The following RNF150 variants were observed in gnomAD, a reference collection of about 807,000 sequenced individuals.
RNF150 encodes the protein ring finger protein 150.
Under a neutral mutation model 39.3 loss-of-function variants are expected in RNF150, and 24 were observed. The observed-to-expected ratio is 0.61, with a 90% CI of 0.44 to 0.86. The LOEUF is 0.86. Among genes scored for constraint, RNF150 ranks in the 40% least tolerant of loss-of-function variants. The probability of loss-of-function intolerance (pLI) is 0.00; values close to 1 mark genes in which losing one functional copy is unlikely to be tolerated. For synonymous variants in RNF150, 255 were observed against 227.3 expected, an observed-to-expected ratio of 1.12 and a Z score of -1.10; for missense variants, 502 against 587.8, an observed-to-expected ratio of 0.85 and a Z score of 1.51.
At chr4:141,040,191 T>C (rs1178234251) in intron 1 of RNF150, among the ~76,000 whole-genome samples, 2 of 147,628 alleles carry the variant, frequency 1.4e-5, no homozygotes, top group African/African-American at 4.9e-5. Flanking sequence ...ACACATGTTG[T>C]AGAGCAAAAT....
At chr4:140,911,059 T>G in intron 6 of RNF150, 85 bp downstream of exon 6, 1 of 1,060,230 alleles carries the variant, frequency 9.4e-7, no homozygotes, top group Non-Finnish European at 1.4e-6. Flanking sequence ...AATATTTTTT[T>G]CTTTTTGAGG....
intron 1 of RNF150, among the ~76,000 whole-genome samples, chr4:141,119,734 G>T (rs1041579553): frequency 2.0e-5 from 3 of 152,152 alleles, no homozygotes; most frequent in Non-Finnish European, 4.4e-5. Flanking sequence ...GAAGCCCAAG[G>T]ATTTAGGGCA....
chr4:141,012,239 A>G (rs941216865), intron 1 of RNF150, among the ~76,000 whole-genome samples: 14 of 152,220 alleles, frequency 9.2e-5, no homozygotes, highest in African/African-American at 3.4e-4. Context: ...AAACACAGAC[A>G]GATTCCTGCC....
intron 1 of RNF150, among the ~76,000 whole-genome samples, chr4:141,194,570 T>C (rs137945346): frequency 2.0e-5 from 3 of 151,962 alleles, no homozygotes; most frequent in Non-Finnish European, 4.4e-5. Context: ...GCTAGCATAC[T>C]GCCTATTACA....
At chr4:140,878,019 GT>G (rs1729223958) in intron 6 of RNF150, among the ~76,000 whole-genome samples, 1 of 152,172 alleles carries the variant, frequency 6.6e-6, no homozygotes, top group Admixed American at 6.5e-5. Flanking sequence ...GGCTCCTGAA[GT>G]GTTGGCTGTG....
At position 140,867,321 on chromosome 4, in the gene RNF150, C is replaced by T. The variant is rs1405733505; in HGVS notation, c.*940G>A. Reference sequence around the variant, plus strand: ...AGAGGTAAGAAAAAAACTGTTCTAGCCCAGGGGAAACCAATGCAACTGGCA... The same window carrying T: ...AGAGGTAAGAAAAAAACTGTTCTAGTCCAGGGGAAACCAATGCAACTGGCA... On this transcript the variant is annotated 3_prime_UTR_variant, in exon 7 of 7. Coordinates refer to ENST00000515673, the MANE Select transcript of RNF150 (RefSeq NM_020724.2). 6.6e-6 allele frequency: 1 copy of T among 152,154 alleles called. No homozygotes were observed. Among genetic ancestry groups the T allele is most frequent in the African/African-American group, 2.4e-5 (1 of 41,428 alleles). 9.4% of individuals were successfully genotyped at this position (152,154 alleles called of 1,614,324 possible). A position where few individuals can be genotyped will look rare whatever the true frequency, so the allele number is the denominator to read the frequency against.
intron 1 of RNF150, among the ~76,000 whole-genome samples, chr4:141,037,445 CAG>C (rs565660954): frequency 7.6e-4 from 115 of 152,134 alleles, no homozygotes; most frequent in African/African-American, 2.7e-3. Flanking sequence ...TGGAAGAAGA[CAG>C]AAAACATAAA....
intron 1 of RNF150, among the ~76,000 whole-genome samples, chr4:140,994,826 CT>C (rs1424078680): frequency 6.6e-6 from 1 of 151,942 alleles, no homozygotes; most frequent in Non-Finnish European, 1.5e-5. Context: ...ATCTATAAGT[CT>C]TTTTTTAATT....
upstream of RNF150, among the ~76,000 whole-genome samples, chr4:141,136,431 A>G (rs1727028660): frequency 6.6e-6 from 1 of 152,178 alleles, no homozygotes; most frequent in African/African-American, 2.4e-5. Context: ...AATTCATGAT[A>G]TTTTTAATAA....
intron 6 of RNF150, among the ~76,000 whole-genome samples, chr4:140,868,781 C>T (rs1266170841): frequency 6.6e-6 from 1 of 152,036 alleles, no homozygotes; most frequent in African/African-American, 2.4e-5. Flanking sequence ...AAAAATTTCA[C>T]AAAGGTTTCT....
chr4:141,065,680 A>G lies in RNF150; in HGVS notation c.484+66645T>C, dbSNP rs1737427993. 3.9e-5 allele frequency among the ~76,000 whole-genome samples: 6 copies of G among 152,184 alleles called. No homozygotes were observed. The South Asian group carries it at 1.2e-3, about 32-fold the overall frequency. On this transcript the variant is annotated intron_variant, in intron 1 of 6. Transcript: ENST00000515673. Reference sequence around the variant, plus strand: ...ATTCATCGTAATTTTTAAGTTACTGAGTCCAGTCCTTAATAATAATAAATA... The same window carrying G: ...ATTCATCGTAATTTTTAAGTTACTGGGTCCAGTCCTTAATAATAATAAATA...
intron 5 of RNF150, among the ~76,000 whole-genome samples, chr4:140,915,746 T>G (rs964291617): frequency 6.6e-6 from 1 of 152,136 alleles, no homozygotes; most frequent in African/African-American, 2.4e-5. Context: ...GCAGACTGCC[T>G]CCTCAAGTGG....
chr4:140,936,010 T>C (rs967542823), intron 4 of RNF150, among the ~76,000 whole-genome samples: 4 of 152,250 alleles, frequency 2.6e-5, no homozygotes, highest in African/African-American at 7.2e-5. Flanking sequence ...TTCCCTGTTA[T>C]TGAATTTCAA....
intron 1 of RNF150, chr4:140,997,049 G>A (rs1177061621): frequency 1.3e-5 from 2 of 152,120 alleles, no homozygotes; most frequent in African/African-American, 2.4e-5. Context: ...AAACCACAAG[G>A]GGGAACAATA....
chr4:141,013,936 G>A (rs1374644838), intron 1 of RNF150, among the ~76,000 whole-genome samples: 1 of 152,042 alleles, frequency 6.6e-6, no homozygotes, highest in Non-Finnish European at 1.5e-5. Flanking sequence ...CATTCCTTAT[G>A]TCTAACTAAA....
At chr4:141,078,838 C>T (rs1271829679) in intron 1 of RNF150, among the ~76,000 whole-genome samples, 1 of 141,344 alleles carries the variant, frequency 7.1e-6, no homozygotes, top group African/African-American at 2.7e-5. Flanking sequence ...TATATACACA[C>T]ACACACACAC....
At chr4:141,196,315 T>G (rs1048330405) in intron 1 of RNF150, among the ~76,000 whole-genome samples, 1 of 152,148 alleles carries the variant, frequency 6.6e-6, no homozygotes, top group African/African-American at 2.4e-5. Flanking sequence ...TTCCTGTCTT[T>G]CTATAGCAAA....
intron 1 of RNF150, among the ~76,000 whole-genome samples, chr4:141,101,634 T>C (rs1393753386): frequency 4.6e-5 from 7 of 152,218 alleles, no homozygotes; most frequent in Admixed American, 2.0e-4. Flanking sequence ...CATAATTGTA[T>C]GTGCTACACT....
intron 1 of RNF150, among the ~76,000 whole-genome samples, chr4:141,202,630 T>C (rs1560777209): frequency 6.6e-6 from 1 of 152,122 alleles, no homozygotes; most frequent in East Asian, 1.9e-4. Flanking sequence ...TTTTGGACTT[T>C]TGTATATAAA....
Sources: allele counts gnomAD v4.1 joint callset (sites outside exome capture counted in the v4.1 genomes callset), GRCh38; gene constraint gnomAD v4.1.1; transcripts MANE v1.5; gene names NCBI Gene and HGNC (gene_info 2026-07-23, HGNC 2026-07-21).